Variants in L3MBTL4 observed in about 807,000 individuals in gnomAD.
L3MBTL4 encodes the protein L3MBTL histone methyl-lysine binding protein 4, also known as lethal(3)malignant brain tumor-like protein 4.
A neutral mutation model predicts 84.5 loss-of-function variants in L3MBTL4; 70 were observed. The observed-to-expected ratio is 0.83, with a 90% CI of 0.68 to 1.01. The LOEUF (loss-of-function observed/expected upper bound fraction) is 1.01, where lower values mean the gene tolerates loss of function less well. Among genes scored for constraint, L3MBTL4 ranks in the 50% least tolerant of loss-of-function variants. L3MBTL4 has a pLI of 0.00. For synonymous variants in L3MBTL4, 274 were observed against 259.8 expected, an observed-to-expected ratio of 1.05 and a Z score of -0.52; for missense variants, 715 against 754.8, an observed-to-expected ratio of 0.95 and a Z score of 0.62.
intron 8 of L3MBTL4, 28 bp from the exon 9 acceptor site, chr18:6,239,900 C>G: frequency 6.2e-7 from 1 of 1,612,770 alleles, no homozygotes. Flanking sequence ...GGGGAAGAAG[C>G]ACAAAAAGAA....
chr18:6,201,862 A>T (rs896390913), intron 12 of L3MBTL4, among the ~76,000 whole-genome samples: 10 of 152,192 alleles, frequency 6.6e-5, no homozygotes, highest in African/African-American at 2.4e-4. Context: ...GCACCCCATA[A>T]ATATGTACAA....
intron 16 of L3MBTL4, among the ~76,000 whole-genome samples, chr18:6,068,144 G>T (rs2145946758): frequency 6.6e-6 from 1 of 152,252 alleles, no homozygotes; most frequent in East Asian, 1.9e-4. Flanking sequence ...TGGCCTGTGG[G>T]TAAGTTCACT....
chr18:6,211,756 C>A (rs1404004696), intron 12 of L3MBTL4, among the ~76,000 whole-genome samples: 2 of 151,630 alleles, frequency 1.3e-5, no homozygotes, highest in Admixed American at 1.3e-4. Flanking sequence ...TCAAGCGATT[C>A]TTCTGCCTCA....
chr18:6,061,379 C>T (rs955970256), intron 16 of L3MBTL4, among the ~76,000 whole-genome samples: 6 of 152,136 alleles, frequency 3.9e-5, no homozygotes, highest in South Asian at 2.1e-4. Context: ...GTACATTTTG[C>T]GTACAATTCC....
intron 1 of L3MBTL4, among the ~76,000 whole-genome samples, chr18:6,391,207 C>T (rs1423436736): frequency 2.0e-5 from 3 of 152,128 alleles, no homozygotes; most frequent in African/African-American, 7.2e-5. Context: ...TGTGACACAT[C>T]ACACAAACAG....
chr18:5,956,371 G>A lies in L3MBTL4; in HGVS notation c.1694C>T (p.Ala565Val). ...CFKKEQIDGK[A>V]FLLLTQTDIV... ...GTCCGTCTGTGTCAGAAGCAGGAAG[G>A]CTTTGCCATCGATCTGCTGCAAATA... Residue 565 changes from alanine (A) to valine (V), a missense_variant, in exon 19 of 19, where the codon GCC (alanine) becomes GTC (valine). Coordinates refer to ENST00000317931, the MANE Select transcript of L3MBTL4 (RefSeq NM_001330559.2). 6.2e-7 allele frequency: 1 copy of A among 1,613,878 alleles called. No homozygotes were observed. Among genetic ancestry groups the A allele is most frequent in the Non-Finnish European group, 8.5e-7 (1 of 1,179,916 alleles).
intron 1 of L3MBTL4, among the ~76,000 whole-genome samples, chr18:6,380,240 T>C (rs1375165815): frequency 6.6e-6 from 1 of 152,134 alleles, no homozygotes; most frequent in Non-Finnish European, 1.5e-5. Context: ...GCAGTCTATC[T>C]ATTTTGTTGA....
rs1291271710 is a variant in L3MBTL4 at position 5,997,333 on chromosome 18, C to G, written c.1445-27771G>C. 1.4e-5 allele frequency among the ~76,000 whole-genome samples: 2 copies of G among 142,396 alleles called. 1 individual carries two copies. The highest frequency in any genetic ancestry group is 6.2e-5 in the African/African-American group (2 of 32,286). The allele number at this position is 142,396 out of a possible 152,430, so 93.4% of individuals were successfully genotyped here. On this transcript the variant is annotated intron_variant, in intron 16 of 18. Transcript: ENST00000317931. ...CAAAATAGTGACAGAGATTCAAAAG[C>G]TACACACCTTCCTCACAATTTGCCC...
chr18:6,311,420 A>T, intron 3 of L3MBTL4, 134 bp downstream of exon 3: 1 of 685,500 alleles, frequency 1.5e-6, no homozygotes. Context: ...CTACACATAA[A>T]GCTCAAGCAG....
At chr18:6,343,352 A>C (rs1020999584) in intron 1 of L3MBTL4, among the ~76,000 whole-genome samples, 2 of 152,214 alleles carry the variant, frequency 1.3e-5, no homozygotes, top group African/African-American at 4.8e-5. Flanking sequence ...ACACAAGACA[A>C]GTCTTAACAA....
At chr18:6,029,978 C>T (rs991321218) in intron 16 of L3MBTL4, 7 of 985,322 alleles carry the variant, frequency 7.1e-6, no homozygotes, top group Non-Finnish European at 8.4e-6. Flanking sequence ...GCCTCCTTTA[C>T]ACAGCAACAT....
intron 16 of L3MBTL4, among the ~76,000 whole-genome samples, chr18:6,065,219 A>G (rs1406831112): frequency 3.3e-5 from 5 of 151,864 alleles, no homozygotes; most frequent in Non-Finnish European, 7.4e-5. Flanking sequence ...ATAATGTATT[A>G]TTATTATTTT....
chr18:6,057,499 TTC>T (rs904650383), intron 16 of L3MBTL4, among the ~76,000 whole-genome samples: 2 of 152,164 alleles, frequency 1.3e-5, no homozygotes, highest in African/African-American at 2.4e-5. Flanking sequence ...CTCAGGAAAC[TTC>T]TCTCTCTGTT....
chr18:6,389,209 G>A (rs2054945132), intron 1 of L3MBTL4, among the ~76,000 whole-genome samples: 1 of 152,146 alleles, frequency 6.6e-6, no homozygotes, highest in Admixed American at 6.6e-5. Context: ...TTTCACAAAT[G>A]AAGGAGAAAT....
At chr18:6,277,621 T>G (rs2049144960) in intron 4 of L3MBTL4, among the ~76,000 whole-genome samples, 1 of 152,232 alleles carries the variant, frequency 6.6e-6, no homozygotes, top group African/African-American at 2.4e-5. Flanking sequence ...CTGTCATGTT[T>G]GTGGTATAGC....
chr18:6,263,583 G>A (rs933359522), intron 5 of L3MBTL4, among the ~76,000 whole-genome samples: 4 of 152,148 alleles, frequency 2.6e-5, no homozygotes, highest in African/African-American at 7.2e-5. Flanking sequence ...CTGGCTAATA[G>A]AAGTAAAACC....
At chr18:6,096,601 C>T (rs898455921) in intron 14 of L3MBTL4, among the ~76,000 whole-genome samples, 12 of 152,058 alleles carry the variant, frequency 7.9e-5, no homozygotes, top group East Asian at 3.9e-4. Context: ...TGTGCATGCA[C>T]GTACGCATGC....
At chr18:6,054,186 A>T (rs1026687821) in intron 16 of L3MBTL4, among the ~76,000 whole-genome samples, 1 of 152,076 alleles carries the variant, frequency 6.6e-6, no homozygotes, top group African/African-American at 2.4e-5. Context: ...ATGGACTGAG[A>T]CACCTGACTC....
intron 16 of L3MBTL4, among the ~76,000 whole-genome samples, chr18:6,066,621 T>G (rs1411140326): frequency 6.6e-6 from 1 of 152,154 alleles, no homozygotes; most frequent in Non-Finnish European, 1.5e-5. Context: ...TCTTTAACTG[T>G]CTTTTTTTAA....
Sources: allele counts gnomAD v4.1 joint callset (sites outside exome capture counted in the v4.1 genomes callset), GRCh38; gene constraint gnomAD v4.1.1; transcripts MANE v1.5; gene names NCBI Gene and HGNC (gene_info 2026-07-23, HGNC 2026-07-21).